The following NCOA2 variants were observed in gnomAD, a reference collection of about 807,000 sequenced individuals.
NCOA2 encodes the protein nuclear receptor coactivator 2, also known as class E basic helix-loop-helix protein 75.
NCOA2 carries 21 observed loss-of-function variants against 145.1 expected under a neutral mutation model. The ratio of observed to expected loss-of-function variants is 0.14; its 90% CI spans 0.10 to 0.21. The LOEUF (loss-of-function observed/expected upper bound fraction) is 0.21, where lower values mean the gene tolerates loss of function less well. NCOA2 is among the 10% of genes least tolerant of loss of function. The probability of loss-of-function intolerance (pLI) is 1.00; values close to 1 mark genes in which losing one functional copy is unlikely to be tolerated. For missense variants in NCOA2, 1,472 were observed against 1,837.6 expected, an observed-to-expected ratio of 0.80 and a Z score of 3.64; for synonymous variants, 619 against 637.5, an observed-to-expected ratio of 0.97 and a Z score of 0.44.
At chr8:70,428,947 T>C in the NCOA2 span, among the ~76,000 whole-genome samples, 1 of 152,208 alleles carries the variant, frequency 6.6e-6, no homozygotes, top group African/African-American at 2.4e-5. Context: ...TGTTTTTGTA[T>C]GATTTTCAAT....
At chr8:70,141,528 C>G in intron 13 of NCOA2, 129 bp from the exon 14 acceptor site, 2 of 868,636 alleles carry the variant, frequency 2.3e-6, no homozygotes, top group South Asian at 3.2e-5. Context: ...AGCTAATGTT[C>G]TCATTGGGCA....
At chr8:70,230,679 T>A (rs925539309) in intron 2 of NCOA2, among the ~76,000 whole-genome samples, 1 of 152,210 alleles carries the variant, frequency 6.6e-6, no homozygotes, top group Non-Finnish European at 1.5e-5. Context: ...AGTAAGAATT[T>A]TAATTTTTTA....
chr8:70,324,497 C>T (rs34957854), intron 1 of NCOA2, among the ~76,000 whole-genome samples: 15,961 of 151,998 alleles, frequency 0.11, 1,280 homozygotes, highest in East Asian at 0.41. Context: ...GCCACTGCAC[C>T]CAGCTAATTT....
intron 1 of NCOA2, among the ~76,000 whole-genome samples, chr8:70,314,100 A>G (rs1467906928): frequency 6.8e-6 from 1 of 146,864 alleles, no homozygotes; most frequent in Non-Finnish European, 1.5e-5. Flanking sequence ...GAATGGTGTG[A>G]ACCTGGGAGG....
rs1199384636 is a variant in NCOA2, at chr8:70,156,018, C to T, written c.2347G>A (p.Ala783Thr). 6.2e-7 allele frequency: 1 copy of T among 1,601,882 alleles called. No individual in the cohort carries two copies. The highest frequency in any genetic ancestry group is 1.1e-5 in the South Asian group (1 of 88,876). ...ATCTCCTCCTTCTCAGTTTTCATTG[C>T]TATTAATTTTGTGTTACTGGCAGGA... ...TDPASNTKLI[A>T]MKTEKEEMSF... is the part of the protein sequence containing the mutation. Residue 783 changes from alanine (A) to threonine (T), a missense_variant, in exon 11 of 23, where the codon GCA (alanine) becomes ACA (threonine). Transcript: ENST00000452400.
intron 19 of NCOA2, 54 bp downstream of exon 19, chr8:70,126,759 G>A (rs1179844026): frequency 2.0e-5 from 29 of 1,445,312 alleles, no homozygotes; most frequent in Non-Finnish European, 2.4e-5. Flanking sequence ...CCAACACTGG[G>A]GGACACTGGG....
chr8:70,281,089 C>T (rs1172163545), intron 2 of NCOA2, among the ~76,000 whole-genome samples: 1 of 152,056 alleles, frequency 6.6e-6, no homozygotes, highest in African/African-American at 2.4e-5. Context: ...CATGGTGGCT[C>T]ATGCCTGTAA....
chr8:70,446,447 ATTCT>A, the NCOA2 span, among the ~76,000 whole-genome samples: 2 of 152,216 alleles, frequency 1.3e-5, no homozygotes, highest in South Asian at 4.2e-4. Context: ...CTCAGCGTTG[ATTCT>A]TTCTTTTGTT....
intron 2 of NCOA2, among the ~76,000 whole-genome samples, chr8:70,257,017 A>G (rs1390921693): frequency 6.6e-6 from 1 of 152,240 alleles, no homozygotes; most frequent in African/African-American, 2.4e-5. Flanking sequence ...AGCCACTCTG[A>G]TAGGCGTCAT....
intron 4 of NCOA2, among the ~76,000 whole-genome samples, chr8:70,203,588 A>G (rs1038817229): frequency 6.6e-6 from 1 of 152,106 alleles, no homozygotes; most frequent in African/African-American, 2.4e-5. Context: ...GAAAAAAAAA[A>G]GAAATAAGAA....
At chr8:70,311,850 G>A (rs575280634) in intron 1 of NCOA2, among the ~76,000 whole-genome samples, 1 of 152,244 alleles carries the variant, frequency 6.6e-6, no homozygotes, top group East Asian at 1.9e-4. Flanking sequence ...CAAATAAAGA[G>A]CCATTAGTCT....
chr8:70,131,121 C>T (rs1809043621), intron 16 of NCOA2, among the ~76,000 whole-genome samples: 1 of 152,120 alleles, frequency 6.6e-6, no homozygotes, highest in Admixed American at 6.6e-5. Flanking sequence ...TGGGCTAAAC[C>T]ATAAGTGAAA....
intron 1 of NCOA2, among the ~76,000 whole-genome samples, chr8:70,325,493 G>A (rs916316004): frequency 6.6e-6 from 1 of 150,690 alleles, no homozygotes; most frequent in South Asian, 2.1e-4. Context: ...GCGTAATCTC[G>A]GCACACTGCA....
At chr8:70,123,822 T>A in intron 21 of NCOA2, 62 bp downstream of exon 21, 1 of 1,388,716 alleles carries the variant, frequency 7.2e-7, no homozygotes, top group Non-Finnish European at 9.7e-7. Context: ...ATATATTTGA[T>A]GCAGAAGTAG....
intron 1 of NCOA2, among the ~76,000 whole-genome samples, chr8:70,339,927 A>G (rs1373619574): frequency 2.6e-5 from 4 of 152,222 alleles, no homozygotes; most frequent in African/African-American, 9.7e-5. Context: ...TACACCTTAT[A>G]CAAAAATTAA....
the NCOA2 span, among the ~76,000 whole-genome samples, chr8:70,409,529 A>G: frequency 1.4e-4 from 21 of 152,366 alleles, no homozygotes; most frequent in African/African-American, 4.8e-4. Flanking sequence ...TACCATACAC[A>G]AGAATGAATT....
At chr8:70,430,286 A>G in the NCOA2 span, among the ~76,000 whole-genome samples, 1 of 152,210 alleles carries the variant, frequency 6.6e-6, no homozygotes, top group Non-Finnish European at 1.5e-5. Context: ...AAAATGAGAT[A>G]AAAAGGCAAA....
the NCOA2 span, among the ~76,000 whole-genome samples, chr8:70,443,556 A>G: frequency 6.6e-6 from 1 of 151,992 alleles, no homozygotes; most frequent in Non-Finnish European, 1.5e-5. Flanking sequence ...CTATTTTTCT[A>G]TCTGTCTGTA....
intron 14 of NCOA2, among the ~76,000 whole-genome samples, chr8:70,139,745 CG>C (rs1563509167): frequency 6.7e-6 from 1 of 149,802 alleles, no homozygotes; most frequent in Non-Finnish European, 1.5e-5. Flanking sequence ...CTCTGTCTCC[CG>C]GGTTCAAGCA....
Sources: gnomAD v4.1 joint callset for allele counts (sites outside exome capture counted in the v4.1 genomes callset) on GRCh38, gnomAD v4.1.1 for gene constraint, MANE v1.5 for transcripts, NCBI Gene and HGNC (gene_info 2026-07-23, HGNC 2026-07-21) for gene names.